The following ADARB2 variants were observed in gnomAD, a reference collection of about 807,000 sequenced individuals.
ADARB2 encodes inactive double-stranded RNA-specific editase B2.
ADARB2 carries 25 observed loss-of-function variants against 62.2 expected under a neutral mutation model. The observed-to-expected ratio is 0.40, with a 90% confidence interval of 0.29 to 0.56. The LOEUF (loss-of-function observed/expected upper bound fraction) is 0.56, where lower values mean the gene tolerates loss of function less well. ADARB2 is among the 20% of genes least tolerant of loss of function. ADARB2 has a pLI of 0.43. For missense variants in ADARB2, 1,071 were observed against 1,077.4 expected (o/e 0.99, Z 0.08); for synonymous variants, 572 against 500.8 (o/e 1.14, Z -1.90).
intron 3 of ADARB2, among the ~76,000 whole-genome samples, chr10:1,282,272 C>T (rs1831377318): frequency 6.6e-6 from 1 of 152,202 alleles, no homozygotes; most frequent in Admixed American, 6.5e-5. Flanking sequence ...TGGCCACAAA[C>T]CCGTCTTACT....
Position 1,398,230 on chromosome 10 carries a change from C to T in ADARB2, c.101-19070G>A, listed in dbSNP as rs979571933. On this transcript the variant is annotated intron_variant, in intron 1 of 9. Transcript: ENST00000381312. This position sits in a 1 kb window ranked among gnomAD's most constrained non-coding sequence, Gnocchi z 4.1. ...CCATCAGTCTCTCCCCTCCCGAGTG[C>T]AGGCTTCCTGGGTCACCGTCCGTCT... Among the ~76,000 whole-genome samples the T allele has an allele frequency of 7.0e-6, 1 of 143,282 alleles. No individual in the cohort carries two copies. Among genetic ancestry groups the T allele is most frequent in the Non-Finnish European group, 1.5e-5 (1 of 64,948 alleles). 94.0% of individuals were successfully genotyped at this position (143,282 alleles called of 152,430 possible). A position where few individuals can be genotyped will look rare whatever the true frequency, so the allele number is the denominator to read the frequency against.
intron 3 of ADARB2, chr10:1,290,240 G>C (rs1271341402): frequency 6.6e-6 from 1 of 152,146 alleles, no homozygotes; most frequent in African/African-American, 2.4e-5. Context: ...TCTGCATGTT[G>C]TTGTTTATTT....
rs1831881997 is a variant in ADARB2 at position 1,327,650 on chromosome 10, CCAGCGCCTCCGCACTGCA to C, written c.1077+35360_1077+35377del. On this transcript the variant is annotated intron_variant, in intron 3 of 9. Transcript: ENST00000381312. ...CCACGGCACAGCGCCTCCTCACTGC[CCAGCGCCTCCGCACTGCA>C]CAGCGCCTCCTCACTGCACAGCGCC... is the stretch of plus-strand genomic sequence containing the variant. Among the ~76,000 whole-genome samples the C allele has an allele frequency of 4.4e-5, 3 of 68,358 alleles. 1 individual carries two copies. The highest frequency in any genetic ancestry group is 9.0e-5 in the Non-Finnish European group (3 of 33,170). The allele number at this position is 68,358 out of a possible 152,430, so 44.8% of individuals were successfully genotyped here. A position where few individuals can be genotyped will look rare whatever the true frequency, so the allele number is the denominator to read the frequency against.
At chr10:1,702,490 C>G (rs955592964) in intron 1 of ADARB2, among the ~76,000 whole-genome samples, 1 of 152,174 alleles carries the variant, frequency 6.6e-6, no homozygotes, top group Non-Finnish European at 1.5e-5. Flanking sequence ...TAGGGAATCC[C>G]GAAAATCTGG....
intron 6 of ADARB2, among the ~76,000 whole-genome samples, chr10:1,229,956 G>C (rs866184445): frequency 1.3e-5 from 2 of 152,174 alleles, no homozygotes; most frequent in Non-Finnish European, 2.9e-5. Context: ...ACAATCGCTC[G>C]ATGCAGGCCA....
intron 3 of ADARB2, among the ~76,000 whole-genome samples, chr10:1,275,698 T>G (rs1325806751): frequency 8.2e-6 from 1 of 121,820 alleles, no homozygotes; most frequent in Non-Finnish European, 1.6e-5. Flanking sequence ...GATGTTCCCC[T>G]TCCTGTGTCC....
intron 5 of ADARB2, among the ~76,000 whole-genome samples, chr10:1,238,377 C>T (rs1375741910): frequency 2.9e-3 from 1 of 350 alleles, no homozygotes; most frequent in Non-Finnish European, 6.0e-3. Context: ...TTACTCCCTG[C>T]ATCCCGGTGT....
intron 3 of ADARB2, among the ~76,000 whole-genome samples, chr10:1,303,528 T>C (rs925671797): frequency 3.4e-4 from 51 of 152,216 alleles, no homozygotes; most frequent in African/African-American, 1.2e-3. Context: ...ATACAGAGAA[T>C]GCCACAAAGA....
chr10:1,606,038 A>T (rs1254711022), intron 1 of ADARB2, among the ~76,000 whole-genome samples: 1 of 152,258 alleles, frequency 6.6e-6, no homozygotes, highest in Non-Finnish European at 1.5e-5. Context: ...AGTTTAAAGG[A>T]TGGCATTTAC....
chr10:1,710,921 G>T (rs12572345), intron 1 of ADARB2, among the ~76,000 whole-genome samples: 34,524 of 151,988 alleles, frequency 0.23, 4,474 homozygotes, highest in South Asian at 0.42. Context: ...CGGTGGTCCT[G>T]CAGGGTCAAA....
chr10:1,199,722 G>A (rs1226913808), intron 8 of ADARB2: 32 of 448,556 alleles, frequency 7.1e-5, no homozygotes, highest in Non-Finnish European at 9.7e-5. Flanking sequence ...TTCAGACACC[G>A]CTGTGAAAAC....
At chr10:1,498,642 A>G (rs1339810481) in intron 1 of ADARB2, among the ~76,000 whole-genome samples, 1 of 152,224 alleles carries the variant, frequency 6.6e-6, no homozygotes, top group Admixed American at 6.5e-5. Flanking sequence ...TTCAAAATAT[A>G]ATAAACATGA....
chr10:1,199,773 C>T, intron 8 of ADARB2, 193 bp downstream of exon 8: 1 of 570,112 alleles, frequency 1.8e-6, no homozygotes, highest in African/African-American at 1.9e-5. Flanking sequence ...AGGACCTGGC[C>T]TATTGCTATA....
chr10:1,374,082 C>T (rs61833601), intron 2 of ADARB2, among the ~76,000 whole-genome samples: 7,512 of 152,260 alleles, frequency 0.049, 218 homozygotes, highest in East Asian at 0.12. Flanking sequence ...GCCTCTGCAC[C>T]CCAGCCAAGC....
At chr10:1,301,138 T>C (rs1333034819) in intron 3 of ADARB2, among the ~76,000 whole-genome samples, 4 of 152,248 alleles carry the variant, frequency 2.6e-5, no homozygotes, top group African/African-American at 9.6e-5. Context: ...CTTTCTTGTC[T>C]CTTCAGTTAT....
chr10:1,657,965 GTC>G (rs558579400), intron 1 of ADARB2, among the ~76,000 whole-genome samples: 2 of 138,154 alleles, frequency 1.4e-5, no homozygotes, highest in Admixed American at 7.3e-5. Flanking sequence ...GTCTGCCTCA[GTC>G]TCTCTCTATC....
chr10:1,280,638 A>AATTCCTGAGTGATGCTCCGTGAT (rs1409846547), intron 3 of ADARB2, among the ~76,000 whole-genome samples: 1 of 147,452 alleles, frequency 6.8e-6, no homozygotes, highest in East Asian at 2.0e-4. Flanking sequence ...TGCTCCGTGA[A>AATTCCTGAGTGATGCTCCGTGAT]ATTCCTGAGT....
At chr10:1,580,129 A>G (rs930092124) in intron 1 of ADARB2, among the ~76,000 whole-genome samples, 4 of 152,102 alleles carry the variant, frequency 2.6e-5, no homozygotes, top group Admixed American at 2.6e-4. Context: ...AACCTTTATC[A>G]TGGTTTCAGG....
chr10:1,437,569 G>T (rs1464034377), intron 1 of ADARB2, among the ~76,000 whole-genome samples: 1 of 152,102 alleles, frequency 6.6e-6, no homozygotes, highest in Non-Finnish European at 1.5e-5. Flanking sequence ...GGCATCTCCT[G>T]CCCTAAGAGA....
Sources: gnomAD v4.1 joint callset for allele counts (sites outside exome capture counted in the v4.1 genomes callset) on GRCh38, gnomAD v4.1.1 for gene constraint, Gnocchi (gnomAD v3.1) non-coding constraint, MANE v1.5 for transcripts, NCBI Gene and HGNC (gene_info 2026-07-23, HGNC 2026-07-21) for gene names.